Variants in PPP1R9A observed in about 807,000 individuals in gnomAD.
PPP1R9A encodes protein phosphatase 1 regulatory subunit 9A.
A neutral mutation model predicts 141.9 loss-of-function variants in PPP1R9A; 59 were observed. The ratio of observed to expected loss-of-function variants is 0.42; its 90% CI spans 0.34 to 0.52. The LOEUF (loss-of-function observed/expected upper bound fraction) is 0.52. Ranked by LOEUF, PPP1R9A falls within the 20% of genes least tolerant of loss-of-function variation. PPP1R9A has a pLI of 0.10. For missense variants in PPP1R9A, 1,444 were observed against 1,611.9 expected (o/e 0.90, Z 1.78); for synonymous variants, 500 against 569.7 (o/e 0.88, Z 1.74).
At chr7:94,927,452 A>T (rs151157723) in intron 2 of PPP1R9A, among the ~76,000 whole-genome samples, 2 of 152,282 alleles carry the variant, frequency 1.3e-5, no homozygotes, top group East Asian at 1.9e-4. Context: ...GCTGTTTTTC[A>T]TCTTGAGATT....
chr7:94,923,954 T>G (rs1793147855), intron 2 of PPP1R9A, among the ~76,000 whole-genome samples: 1 of 152,212 alleles, frequency 6.6e-6, no homozygotes, highest in African/African-American at 2.4e-5. Flanking sequence ...GGTGTTTGGA[T>G]TATCACTTTT....
At chr7:95,032,164 G>A (rs1807779314) in intron 2 of PPP1R9A, among the ~76,000 whole-genome samples, 2 of 152,226 alleles carry the variant, frequency 1.3e-5, no homozygotes, top group Admixed American at 6.5e-5. Context: ...CATGCTGGTG[G>A]ATGTCAAAGA....
rs138684505 is a variant in PPP1R9A, at chr7:95,206,374, A to G, written c.1956+2644A>G. Among the ~76,000 whole-genome samples, 735 of 152,310 alleles carry G rather than the reference A, an allele frequency of 4.8e-3. 6 individuals are homozygous for G. Among genetic ancestry groups the G allele is most frequent in the African/African-American group, 0.017 (693 of 41,578 alleles). On this transcript the variant is annotated intron_variant, in intron 7 of 19. Transcript: ENST00000433360. ...TTTTTTAATGGATTTATTGAGATAAATTTGACATAGAGTGAAATGCACAGA... is the reference window on the plus strand; with the variant it reads ...TTTTTTAATGGATTTATTGAGATAAGTTTGACATAGAGTGAAATGCACAGA...
rs1484217005 is a variant in PPP1R9A, at chr7:95,293,643, C to A, written c.*3340C>A. On this transcript the variant is annotated 3_prime_UTR_variant, in exon 20 of 20. Transcript: ENST00000433360. ...TTTACCTTTGCCACTATCTGTGACCCTGTAATCATCACTAGCCTGAAATCT... is the reference window on the plus strand; with the variant it reads ...TTTACCTTTGCCACTATCTGTGACCATGTAATCATCACTAGCCTGAAATCT... The A allele has an allele frequency of 1.3e-5, 2 of 152,184 alleles. No homozygotes were observed. The highest frequency in any genetic ancestry group is 2.9e-5 in the Non-Finnish European group (2 of 68,028). 9.4% of individuals were successfully genotyped at this position (152,184 alleles called of 1,614,324 possible). A position where few individuals can be genotyped will look rare whatever the true frequency, so the allele number is the denominator to read the frequency against.
Position 95,249,890 on chromosome 7 carries a change from C to T in PPP1R9A, c.2167-136C>T. ...CATCTGTGGAATTATAAAAATAATA[C>T]CTGCTTTTCTCATCTCAAGTGGATT... On this transcript the variant is annotated intron_variant, in intron 9 of 19. Coordinates refer to ENST00000433360, the MANE Select transcript of PPP1R9A (RefSeq NM_001166160.2). The T allele has an allele frequency of 2.5e-6, 3 of 1,216,788 alleles. No individual in the cohort carries two copies. The South Asian group carries it at 5.5e-5, about 22-fold the overall frequency. 75.4% of individuals were successfully genotyped at this position (1,216,788 alleles called of 1,614,324 possible).
At chr7:95,195,722 T>C (rs998474221) in intron 5 of PPP1R9A, among the ~76,000 whole-genome samples, 8 of 152,194 alleles carry the variant, frequency 5.3e-5, no homozygotes, top group African/African-American at 1.9e-4. Flanking sequence ...TTTGTATATG[T>C]ATATTGAACA....
intron 2 of PPP1R9A, among the ~76,000 whole-genome samples, chr7:94,987,887 G>A: frequency 6.6e-6 from 1 of 151,810 alleles, no homozygotes; most frequent in East Asian, 1.9e-4. Flanking sequence ...TATTCTCTTT[G>A]TAAAATATTA....
intron 4 of PPP1R9A, among the ~76,000 whole-genome samples, chr7:95,130,327 A>G (rs1032874400): frequency 5.9e-5 from 9 of 152,160 alleles, no homozygotes; most frequent in African/African-American, 1.2e-4. Flanking sequence ...GGCAGCTTCC[A>G]TATGGTGTTG....
intron 2 of PPP1R9A, among the ~76,000 whole-genome samples, chr7:94,967,855 G>A (rs1798387672): frequency 6.6e-6 from 1 of 152,186 alleles, no homozygotes. Context: ...TAGAATAAGT[G>A]CAATGTGGTT....
At chr7:95,122,281 G>A (rs1822768627) in intron 4 of PPP1R9A, among the ~76,000 whole-genome samples, 1 of 151,826 alleles carries the variant, frequency 6.6e-6, no homozygotes, top group Non-Finnish European at 1.5e-5. Context: ...TGAGTAGCTG[G>A]GACCACAGGT....
At chr7:95,022,684 A>C (rs926960792) in intron 2 of PPP1R9A, among the ~76,000 whole-genome samples, 1 of 152,164 alleles carries the variant, frequency 6.6e-6, no homozygotes, top group African/African-American at 2.4e-5. Context: ...AGTTTTTAGC[A>C]TGAAGGGGTG....
intron 7 of PPP1R9A, among the ~76,000 whole-genome samples, chr7:95,221,376 A>G (rs1227361890): frequency 6.6e-6 from 1 of 152,078 alleles, no homozygotes; most frequent in African/African-American, 2.4e-5. Context: ...ACGTGACTTC[A>G]AAACCAAAAT....
At position 95,174,442 on chromosome 7, in the gene PPP1R9A, TACAC is replaced by T. The variant is rs1172519706; in HGVS notation, c.1754+12473_1754+12476del. Among the ~76,000 whole-genome samples, 3 of 152,272 alleles carry T rather than the reference TACAC, an allele frequency of 2.0e-5. No individual in the cohort carries two copies. In the East Asian group the frequency reaches 5.8e-4, roughly 29 times the overall value. On this transcript the variant is annotated intron_variant, in intron 5 of 19. Coordinates refer to ENST00000433360, the MANE Select transcript of PPP1R9A (RefSeq NM_001166160.2). ...TCTATATTGTGATTACTGTATTTCTTACACAACTATGTATACATTTATCGAAACT... is the reference window on the plus strand; with the variant it reads ...TCTATATTGTGATTACTGTATTTCTTAACTATGTATACATTTATCGAAACT...
At chr7:94,909,250 T>C (rs1282266200) in intron 1 of PPP1R9A, among the ~76,000 whole-genome samples, 1 of 152,230 alleles carries the variant, frequency 6.6e-6, no homozygotes, top group Admixed American at 6.5e-5. Context: ...TAATAACCAC[T>C]GTTAGGAAAC....
At chr7:95,060,684 T>TAAAA (rs1477271356) in intron 2 of PPP1R9A, among the ~76,000 whole-genome samples, 11 of 152,218 alleles carry the variant, frequency 7.2e-5, no homozygotes, top group African/African-American at 2.7e-4. Flanking sequence ...GATATGGTTT[T>TAAAA]GCAGCCTTAA....
rs1382883440 is a variant in PPP1R9A at position 95,290,459 on chromosome 7, G to A, written c.*156G>A. The stretch of plus-strand genomic sequence containing the variant: ...TGTGTGTTGAATAACTGCATTTTCT[G>A]CAATAGAATGCACTCTTAATTTTAA... On this transcript the variant is annotated 3_prime_UTR_variant, in exon 20 of 20. Transcript: ENST00000433360. 2 of 776,240 alleles carry A rather than the reference G, an allele frequency of 2.6e-6. No homozygotes were observed. Among genetic ancestry groups the A allele is most frequent in the Non-Finnish European group, 4.0e-6 (2 of 499,418 alleles). 48.1% of individuals were successfully genotyped at this position (776,240 alleles called of 1,614,324 possible).
chr7:94,973,737 G>A (rs1448469185), intron 2 of PPP1R9A, among the ~76,000 whole-genome samples: 1 of 103,458 alleles, frequency 9.7e-6, no homozygotes, highest in Non-Finnish European at 2.0e-5. Flanking sequence ...TTTTTTTTTT[G>A]AGAAAATGTC....
chr7:94,967,581 A>T (rs895068476), intron 2 of PPP1R9A, among the ~76,000 whole-genome samples: 31 of 152,144 alleles, frequency 2.0e-4, no homozygotes, highest in African/African-American at 6.8e-4. Flanking sequence ...CTTACCCAGT[A>T]GTCATTCAGG....
chr7:95,155,840 A>G (rs1829521091), intron 4 of PPP1R9A: 1 of 152,220 alleles, frequency 6.6e-6, no homozygotes, highest in South Asian at 2.1e-4. Context: ...AATCTATTTA[A>G]TATTTTACAT....
Sources: gnomAD v4.1 joint callset for allele counts (sites outside exome capture counted in the v4.1 genomes callset) on GRCh38, gnomAD v4.1.1 for gene constraint, MANE v1.5 for transcripts, NCBI Gene and HGNC (gene_info 2026-07-23, HGNC 2026-07-21) for gene names.